Variants in ASPH observed in about 807,000 individuals in gnomAD.
ASPH encodes aspartyl/asparaginyl beta-hydroxylase.
In ASPH, 100 loss-of-function variants were observed where a neutral mutation model predicts 118.4. The observed-to-expected ratio is 0.84, with a 90% CI of 0.72 to 1.00. ASPH has a LOEUF of 1.00. ASPH is among the 50% of genes least tolerant of loss of function. The pLI, the probability that ASPH is intolerant of heterozygous loss-of-function variation, is 0.00. For synonymous variants in ASPH, 315 were observed against 325.6 expected (o/e 0.97, Z 0.35); for missense variants, 920 against 919.5 (o/e 1.00, Z -0.01).
At position 61,579,530 on chromosome 8, in the gene ASPH, C is replaced by T. The variant is rs1440049833; in HGVS notation, c.1063-2672G>A. On this transcript the variant is annotated intron_variant, in intron 15 of 24. Transcript: ENST00000379454. ...GCCTCACAAGCCCCGGCCTCAGCTA[C>T]GGCCTGGGCTCCAGCTTTGGCTCTG... is the stretch of plus-strand genomic sequence containing the variant. The T allele has an allele frequency of 5.8e-5, 90 of 1,546,082 alleles. 2 individuals are homozygous for T. Among genetic ancestry groups the T allele is most frequent in the Middle Eastern group, 4.4e-4 (2 of 4,518 alleles).
At chr8:61,604,429 A>T (rs1415298451) in intron 14 of ASPH, among the ~76,000 whole-genome samples, 1 of 152,258 alleles carries the variant, frequency 6.6e-6, no homozygotes, top group African/African-American at 2.4e-5. Context: ...AAAAATTAAA[A>T]ATTATAATTT....
rs1030738519 is a variant in ASPH, at chr8:61,576,703, T to G, written c.1149+69A>C. 7 of 1,377,024 alleles carry G rather than the reference T, an allele frequency of 5.1e-6. No homozygotes were observed. In the East Asian group the frequency reaches 1.6e-4, roughly 32 times the overall value. The allele number at this position is 1,377,024 out of a possible 1,614,324, so 85.3% of individuals were successfully genotyped here. ...ATTAGAAAGGGAAAATAGTGAGGAG[T>G]AAAAAATTCAATCACACAAAACACA... On this transcript the variant is annotated intron_variant, in intron 16 of 24. Coordinates refer to ENST00000379454, the MANE Select transcript of ASPH (RefSeq NM_004318.4).
chr8:61,551,563 C>T (rs540915042), intron 20 of ASPH, among the ~76,000 whole-genome samples: 21 of 152,308 alleles, frequency 1.4e-4, no homozygotes, highest in Non-Finnish European at 2.8e-4. Flanking sequence ...GTTCAAATCC[C>T]AAGCCCTTAA....
intron 3 of ASPH, among the ~76,000 whole-genome samples, chr8:61,669,128 AG>A: frequency 6.6e-6 from 1 of 152,320 alleles, no homozygotes; most frequent in East Asian, 1.9e-4. Flanking sequence ...TAAAGAACGA[AG>A]GTCTAAGGTG....
intron 20 of ASPH, among the ~76,000 whole-genome samples, chr8:61,552,569 G>A (rs968443316): frequency 6.6e-6 from 1 of 152,084 alleles, no homozygotes; most frequent in African/African-American, 2.4e-5. Flanking sequence ...ATTCTAAAAA[G>A]AACTACTTTT....
At chr8:61,577,399 CAAAAAAA>C (rs775523503) in intron 15 of ASPH, among the ~76,000 whole-genome samples, 1 of 23,290 alleles carries the variant, frequency 4.3e-5, no homozygotes, top group African/African-American at 1.8e-4. Context: ...CCCAATCTCG[CAAAAAAA>C]AAAAAAAAAA....
chr8:61,582,953 C>T (rs1453632825), intron 15 of ASPH: 3 of 152,008 alleles, frequency 2.0e-5, no homozygotes, highest in Non-Finnish European at 4.4e-5. Context: ...TTTTTGCACC[C>T]GATGATTAGA....
chr8:61,575,753 G>C (rs1834930646), intron 16 of ASPH, among the ~76,000 whole-genome samples: 1 of 152,144 alleles, frequency 6.6e-6, no homozygotes, highest in Non-Finnish European at 1.5e-5. Flanking sequence ...CCCTGAGCTA[G>C]ACAATTCTGA....
At chr8:61,541,281 G>A (rs983877289) in intron 21 of ASPH, among the ~76,000 whole-genome samples, 6 of 152,088 alleles carry the variant, frequency 3.9e-5, no homozygotes, top group Admixed American at 6.5e-5. Flanking sequence ...GGAGAATAGC[G>A]TGAACCCGCG....
intron 21 of ASPH, among the ~76,000 whole-genome samples, chr8:61,536,539 G>A (rs1258177488): frequency 6.6e-6 from 1 of 152,150 alleles, no homozygotes; most frequent in African/African-American, 2.4e-5. Flanking sequence ...GGGGCTGTTG[G>A]CCTAAGGAAG....
At chr8:61,646,516 GACTC>G (rs1406946114) in intron 6 of ASPH, among the ~76,000 whole-genome samples, 2 of 152,218 alleles carry the variant, frequency 1.3e-5, no homozygotes, top group African/African-American at 4.8e-5. Flanking sequence ...TCAAGTATTT[GACTC>G]ACTATTTATA....
intron 21 of ASPH, 67 bp from the exon 22 acceptor site, chr8:61,526,179 TG>T: frequency 1.3e-6 from 2 of 1,578,122 alleles, no homozygotes; most frequent in Non-Finnish European, 1.7e-6. Flanking sequence ...TAATGACTCT[TG>T]TTTTTTTTGA....
rs34291472 is a variant in ASPH, at chr8:61,597,196, GA to G, written c.977-13168del. On this transcript the variant is annotated intron_variant, in intron 14 of 24. Coordinates refer to ENST00000379454, the MANE Select transcript of ASPH (RefSeq NM_004318.4). ...AGATCACTTGAAATAATCCAGTCAG[GA>G]AAAAAAAAAAAAAAAAAACAATGAA... Among the ~76,000 whole-genome samples, 65 of 112,796 alleles carry G rather than the reference GA, an allele frequency of 5.8e-4. 1 individual carries two copies. The highest frequency in any genetic ancestry group is 8.1e-4 in the African/African-American group (23 of 28,360). 74.0% of individuals were successfully genotyped at this position (112,796 alleles called of 152,430 possible).
At chr8:61,610,736 T>C (rs1352152946) in intron 14 of ASPH, among the ~76,000 whole-genome samples, 2 of 152,222 alleles carry the variant, frequency 1.3e-5, no homozygotes, top group South Asian at 4.1e-4. Context: ...AGTGGTTAGC[T>C]GGAACTGAAC....
At chr8:61,663,133 G>C (rs1817774467) in intron 3 of ASPH, 1 of 985,252 alleles carries the variant, frequency 1.0e-6, no homozygotes, top group Non-Finnish European at 1.2e-6. Flanking sequence ...GATATGGTTT[G>C]AGAATCGTGT....
At chr8:61,608,636 T>C (rs904091451) in intron 14 of ASPH, among the ~76,000 whole-genome samples, 2 of 152,234 alleles carry the variant, frequency 1.3e-5, no homozygotes, top group Non-Finnish European at 2.9e-5. Context: ...AATCAGGTGA[T>C]ACCAATAAAA....
chr8:61,523,529 C>T (rs957338304), intron 22 of ASPH, among the ~76,000 whole-genome samples: 19 of 151,902 alleles, frequency 1.3e-4, no homozygotes, highest in Non-Finnish European at 2.8e-4. Flanking sequence ...GTTGGTCAAG[C>T]TTGTCTTGAA....
chr8:61,617,084 GGACACACCAGTCTAGAGTGCAGGCAA>G, intron 14 of ASPH, among the ~76,000 whole-genome samples: 1 of 152,158 alleles, frequency 6.6e-6, no homozygotes, highest in Non-Finnish European at 1.5e-5. Flanking sequence ...GTAGACAGCT[GGACACACCAGTCTAGAGTGCAGGCAA>G]AAGACCCAGG....
At chr8:61,713,351 G>T (rs969573458) in intron 1 of ASPH, among the ~76,000 whole-genome samples, 4 of 152,178 alleles carry the variant, frequency 2.6e-5, no homozygotes, top group African/African-American at 9.7e-5. Context: ...AGTGACAAGT[G>T]CTATAAAGAA....
Sources: gnomAD v4.1 joint callset for allele counts (sites outside exome capture counted in the v4.1 genomes callset) on GRCh38, gnomAD v4.1.1 for gene constraint, MANE v1.5 for transcripts, NCBI Gene and HGNC (gene_info 2026-07-23, HGNC 2026-07-21) for gene names.